EHMT1: variants seen among roughly 807,000 people sequenced by gnomAD.
EHMT1 encodes euchromatic histone lysine methyltransferase 1.
A neutral mutation model predicts 147.2 loss-of-function variants in EHMT1; 15 were observed. The ratio of observed to expected loss-of-function variants is 0.10; its 90% CI spans 0.07 to 0.16. The LOEUF is 0.16. Among genes scored for constraint, EHMT1 ranks in the 10% least tolerant of loss-of-function variants. The probability of loss-of-function intolerance (pLI) is 1.00; values close to 1 mark genes in which losing one functional copy is unlikely to be tolerated. For missense variants in EHMT1, 1,587 were observed against 1,772.4 expected (o/e 0.90, Z 1.88); for synonymous variants, 795 against 709.6 (o/e 1.12, Z -1.91).
chr9:137,800,779 A>C, intron 17 of EHMT1, 101 bp from the exon 18 acceptor site: 1 of 976,248 alleles, frequency 1.0e-6, no homozygotes, highest in Non-Finnish European at 1.6e-6. Context: ...CACGAGGGGC[A>C]TGGTACCTGG....
chr9:137,813,300 G>GT lies in EHMT1; in HGVS notation c.3036-83dup. ...GCAGTCCAAATTGTCAGGGCCAGGT[G>GT]TTTGCCAGCCGCCCCACTGCACGCT... On this transcript the variant is annotated intron_variant, in intron 20 of 26. Transcript: ENST00000460843. This position sits in a 1 kb window ranked among gnomAD's most constrained non-coding sequence, Gnocchi z 4.9. 6.4e-7 allele frequency: 1 copy of GT among 1,558,958 alleles called. No homozygotes were observed. Among genetic ancestry groups the GT allele is most frequent in the Non-Finnish European group, 8.6e-7 (1 of 1,157,950 alleles).
Position 137,684,795 on chromosome 9 carries a change from A to G in EHMT1, c.22-26172A>G, listed in dbSNP as rs370731373. On this transcript the variant is annotated intron_variant, in intron 1 of 26. Coordinates refer to ENST00000460843, the MANE Select transcript of EHMT1 (RefSeq NM_024757.5). ...CATGAGCCACCATACCCAGCGTACA[A>G]AGCCATTCTTTTACTGAATTATGAT... Among the ~76,000 whole-genome samples the G allele has an allele frequency of 4.5e-4, 69 of 152,296 alleles. 1 individual carries two copies. Among genetic ancestry groups the G allele is most frequent in the African/African-American group, 1.6e-3 (68 of 41,568 alleles).
chr9:137,813,303 T>G lies in EHMT1; in HGVS notation c.3036-83T>G. The G allele has an allele frequency of 6.4e-7, 1 of 1,559,592 alleles. No homozygotes were observed. The highest frequency in any genetic ancestry group is 1.4e-5 in the African/African-American group (1 of 73,884). ...GTCCAAATTGTCAGGGCCAGGTGTT[T>G]GCCAGCCGCCCCACTGCACGCTGTG... is the stretch of plus-strand genomic sequence containing the variant. On this transcript the variant is annotated intron_variant, in intron 20 of 26. Transcript: ENST00000460843. This position sits in a 1 kb window ranked among gnomAD's most constrained non-coding sequence, Gnocchi z 4.9.
chr9:137,751,049 C>T (rs952707090), intron 6 of EHMT1, among the ~76,000 whole-genome samples: 23 of 152,162 alleles, frequency 1.5e-4, no homozygotes, highest in South Asian at 2.1e-4. Flanking sequence ...ACCACTGAAC[C>T]GTACACTTTG....
At position 137,780,503 on chromosome 9, in the gene EHMT1, CGTGTGGTGATGACGCTGGGAT is replaced by C; in HGVS notation, c.2275+804_2275+824del. On this transcript the variant is annotated intron_variant, in intron 14 of 26. Coordinates refer to ENST00000460843, the MANE Select transcript of EHMT1 (RefSeq NM_024757.5). ...GAGACGTGTGGTGATGACGCTGAGA[CGTGTGGTGATGACGCTGGGAT>C]GTGTGGTGATGACGCTGAGATGTGT... Among the ~76,000 whole-genome samples the C allele has an allele frequency of 1.1e-3, 71 of 64,222 alleles. 1 individual carries two copies. Among genetic ancestry groups the C allele is most frequent in the African/African-American group, 4.0e-3 (63 of 15,632 alleles). 42.1% of individuals were successfully genotyped at this position (64,222 alleles called of 152,430 possible). A position where few individuals can be genotyped will look rare whatever the true frequency, so the allele number is the denominator to read the frequency against.
At chr9:137,799,941 G>A (rs1168084249) in intron 17 of EHMT1, among the ~76,000 whole-genome samples, 1 of 152,260 alleles carries the variant, frequency 6.6e-6, no homozygotes, top group African/African-American at 2.4e-5. Flanking sequence ...GGCTCCAGGA[G>A]GCTGCGCTCT....
At chr9:137,689,402 T>C (rs1011162248) in intron 1 of EHMT1, among the ~76,000 whole-genome samples, 2 of 152,154 alleles carry the variant, frequency 1.3e-5, no homozygotes, top group African/African-American at 4.8e-5. Context: ...GACATTTTTT[T>C]CACTTTTAAA....
rs567055104 is a variant in EHMT1 at position 137,779,539 on chromosome 9, G to T, written c.2193-96G>T. ...GGACGCGGAGCCCCATGAGCTTGAGGGGCTGGTGGGGAGATGTCCGCCGGG... is the reference window on the plus strand; with the variant it reads ...GGACGCGGAGCCCCATGAGCTTGAGTGGCTGGTGGGGAGATGTCCGCCGGG... On this transcript the variant is annotated intron_variant, in intron 13 of 26. Coordinates refer to ENST00000460843, the MANE Select transcript of EHMT1 (RefSeq NM_024757.5). The T allele has an allele frequency of 3.1e-5, 40 of 1,308,272 alleles. No individual in the cohort carries two copies. In the East Asian group the frequency reaches 9.0e-4, roughly 29 times the overall value. 81.0% of individuals were successfully genotyped at this position (1,308,272 alleles called of 1,614,324 possible).
chr9:137,736,308 G>A (rs909660270), intron 4 of EHMT1, among the ~76,000 whole-genome samples: 1 of 152,180 alleles, frequency 6.6e-6, no homozygotes, highest in African/African-American at 2.4e-5. Flanking sequence ...ACGAATGATA[G>A]ACTATCAAGA....
intron 14 of EHMT1, among the ~76,000 whole-genome samples, chr9:137,781,448 G>A (rs113253112): frequency 1.6e-4 from 24 of 152,100 alleles, no homozygotes; most frequent in Non-Finnish European, 4.4e-5. Flanking sequence ...TGGGATATGC[G>A]GTGATGATGC....
chr9:137,668,434 C>T (rs1939950038), intron 1 of EHMT1, among the ~76,000 whole-genome samples: 1 of 152,076 alleles, frequency 6.6e-6, no homozygotes, highest in Non-Finnish European at 1.5e-5. Context: ...TATTTACCCA[C>T]CTACTCATCC....
chr9:137,704,759 TCCTCCTGCCTTCCCTCCCTC>T (rs1257544240), intron 1 of EHMT1, among the ~76,000 whole-genome samples: 1 of 149,014 alleles, frequency 6.7e-6, no homozygotes, highest in Non-Finnish European at 1.5e-5. Context: ...GAATTTCCCT[TCCTCCTGCCTTCCCTCCCTC>T]CCGCCTGCCT....
rs566446263 is a variant in EHMT1, at chr9:137,775,872, G to A, written c.1791+620G>A. Among the ~76,000 whole-genome samples the A allele has an allele frequency of 1.6e-4, 24 of 150,508 alleles. No homozygotes were observed. The South Asian group carries it at 4.4e-3, about 28-fold the overall frequency. ...GGAGCTCCCCTGTGTGGGCATCCTCGTGCATGTAGGGTGTGTGTGTGTGTG... is the reference window on the plus strand; with the variant it reads ...GGAGCTCCCCTGTGTGGGCATCCTCATGCATGTAGGGTGTGTGTGTGTGTG... On this transcript the variant is annotated intron_variant, in intron 11 of 26. Coordinates refer to ENST00000460843, the MANE Select transcript of EHMT1 (RefSeq NM_024757.5). This position sits in a 1 kb window ranked among gnomAD's most constrained non-coding sequence, Gnocchi z 6.1.
At chr9:137,834,198 C>T (rs1311469381) in intron 25 of EHMT1, 151 bp from the exon 26 acceptor site, 7 of 1,032,204 alleles carry the variant, frequency 6.8e-6, no homozygotes, top group Admixed American at 2.3e-5. Flanking sequence ...GGCTCCGCAC[C>T]GCCGCCACAG....
In EHMT1 at chr9:137,731,724, T is replaced by G. The variant is rs1166467932; in HGVS notation, c.823+3195T>G. On this transcript the variant is annotated intron_variant, in intron 4 of 26. Coordinates refer to ENST00000460843, the MANE Select transcript of EHMT1 (RefSeq NM_024757.5). The surrounding 1 kb of genome is among the most constrained non-coding windows in gnomAD (Gnocchi z 4.3). ...CCCACTCGGCCCAGCAGGCTGTACTTGGCTCATGCTACCGGCCCAGATCCC... is the reference window on the plus strand; with the variant it reads ...CCCACTCGGCCCAGCAGGCTGTACTGGGCTCATGCTACCGGCCCAGATCCC... Among the ~76,000 whole-genome samples the G allele has an allele frequency of 6.6e-6, 1 of 152,102 alleles. No homozygotes were observed. The highest frequency in any genetic ancestry group is 1.5e-5 in the Non-Finnish European group (1 of 68,004).
At chr9:137,679,783 G>A (rs1181956454) in intron 1 of EHMT1, among the ~76,000 whole-genome samples, 1 of 152,126 alleles carries the variant, frequency 6.6e-6, no homozygotes, top group Non-Finnish European at 1.5e-5. Context: ...ATAAATGTTT[G>A]AAATATTTTG....
intron 13 of EHMT1, among the ~76,000 whole-genome samples, chr9:137,779,197 A>C (rs1294870047): frequency 6.6e-6 from 1 of 152,194 alleles, no homozygotes; most frequent in East Asian, 1.9e-4. Flanking sequence ...CAGTGTTCCC[A>C]GCTCTCACCG....
At chr9:137,722,701 T>C (rs1449200934) in intron 3 of EHMT1, among the ~76,000 whole-genome samples, 1 of 151,306 alleles carries the variant, frequency 6.6e-6, no homozygotes, top group African/African-American at 2.4e-5. Flanking sequence ...CCCGGTATGC[T>C]CTGTGTGGGC....
At chr9:137,728,175 C>T (rs1946794125) in intron 3 of EHMT1, among the ~76,000 whole-genome samples, 174 bp from the exon 4 acceptor site, 1 of 152,188 alleles carries the variant, frequency 6.6e-6, no homozygotes, top group South Asian at 2.1e-4. Flanking sequence ...GGCAACTAGG[C>T]ACACGTGAGG....
Sources: gnomAD v4.1 joint callset for allele counts (sites outside exome capture counted in the v4.1 genomes callset) on GRCh38, gnomAD v4.1.1 for gene constraint, Gnocchi (gnomAD v3.1) non-coding constraint, MANE v1.5 for transcripts, NCBI Gene and HGNC (gene_info 2026-07-23, HGNC 2026-07-21) for gene names.